The following SRPK2 variants were observed in gnomAD, a reference collection of about 807,000 sequenced individuals.
SRPK2 encodes the protein SRSF protein kinase 2.
Under a neutral mutation model 90.8 loss-of-function variants are expected in SRPK2, and 21 were observed. The ratio of observed to expected loss-of-function variants is 0.23; its 90% confidence interval spans 0.16 to 0.33. The LOEUF (loss-of-function observed/expected upper bound fraction) is 0.33. Ranked by LOEUF, SRPK2 falls within the 10% of genes least tolerant of loss-of-function variation. The probability of loss-of-function intolerance (pLI) is 1.00; values close to 1 mark genes in which losing one functional copy is unlikely to be tolerated. For missense variants in SRPK2, 620 were observed against 869.0 expected, an observed-to-expected ratio of 0.71 and a Z score of 3.60; for synonymous variants, 288 against 311.1, an observed-to-expected ratio of 0.93 and a Z score of 0.78.
intron 2 of SRPK2, among the ~76,000 whole-genome samples, chr7:105,331,181 T>C (rs1374576781): frequency 1.3e-5 from 2 of 151,532 alleles, no homozygotes; most frequent in Non-Finnish European, 2.9e-5. Context: ...TGGTGGTGCA[T>C]GACTGTAATC....
At chr7:105,190,924 A>G (rs1421256110) in intron 3 of SRPK2, among the ~76,000 whole-genome samples, 1 of 152,222 alleles carries the variant, frequency 6.6e-6, no homozygotes, top group Non-Finnish European at 1.5e-5. Flanking sequence ...CCTTGTTTAA[A>G]AAGCTATTTT....
chr7:105,168,060 C>T lies in SRPK2; in HGVS notation c.374G>A (p.Ser125Asn), dbSNP rs775719644. The change falls in exon 5 of 16, where the codon AGT becomes AAT. Residue 125 changes from serine (S) to asparagine (N), a missense_variant. Ser to Asn is a conservative substitution (Grantham distance 46). Transcript: ENST00000393651. ...GGCTGTCTCCGTATAATGCTGGGCACTTTTTACAACTTTCATTGCAACAAA... is the reference window on the plus strand; with the variant it reads ...GGCTGTCTCCGTATAATGCTGGGCATTTTTTACAACTTTCATTGCAACAAA... Reference protein sequence around the residue: ...KRFVAMKVVKSAQHYTETALD... With the variant: ...KRFVAMKVVKNAQHYTETALD... The T allele has an allele frequency of 6.2e-7, 1 of 1,612,686 alleles. No individual in the cohort carries two copies. The highest frequency in any genetic ancestry group is 8.5e-7 in the Non-Finnish European group (1 of 1,179,370).
intron 2 of SRPK2, chr7:105,204,562 C>A: frequency 4.4e-6 from 2 of 453,240 alleles, no homozygotes; most frequent in South Asian, 1.8e-5. Flanking sequence ...CTTAAGCTAT[C>A]CCACTAATAA....
intron 3 of SRPK2, among the ~76,000 whole-genome samples, chr7:105,176,944 A>G (rs2129594577): frequency 6.6e-6 from 1 of 152,034 alleles, no homozygotes; most frequent in East Asian, 1.9e-4. Flanking sequence ...CTAGTCATAT[A>G]TTTTCTTGAG....
chr7:105,320,646 T>C (rs968588209), intron 2 of SRPK2, among the ~76,000 whole-genome samples: 1 of 152,210 alleles, frequency 6.6e-6, no homozygotes, highest in African/African-American at 2.4e-5. Context: ...TGCATTCAAG[T>C]GACAAAACCC....
intron 2 of SRPK2, among the ~76,000 whole-genome samples, chr7:105,275,474 A>C (rs763821243): frequency 7.2e-5 from 11 of 152,062 alleles, no homozygotes; most frequent in Non-Finnish European, 1.6e-4. Flanking sequence ...GATCTTCCTC[A>C]TAACTCTTTT....
Position 105,203,869 on chromosome 7 carries a change from G to A in SRPK2, c.72-84C>T, listed in dbSNP as rs532768406. On this transcript the variant is annotated intron_variant, in intron 2 of 15. Coordinates refer to ENST00000393651, the MANE Select transcript of SRPK2 (RefSeq NM_182692.3). ...CATTTGAGCACTTCTTAATATGGGG[G>A]AAAAAATAAAACTTGTCACATACTA... The A allele has an allele frequency of 9.9e-5, 146 of 1,469,652 alleles. No individual in the cohort carries two copies. The Middle Eastern group carries it at 2.5e-3, about 25-fold the overall frequency. The allele number at this position is 1,469,652 out of a possible 1,614,324, so 91.0% of individuals were successfully genotyped here. A position where few individuals can be genotyped will look rare whatever the true frequency, so the allele number is the denominator to read the frequency against.
chr7:105,170,967 G>GAAAAAGAA (rs66735717), intron 3 of SRPK2, among the ~76,000 whole-genome samples: 1 of 74,462 alleles, frequency 1.3e-5, no homozygotes, highest in Non-Finnish European at 2.7e-5. Flanking sequence ...AAGAAAGAAA[G>GAAAAAGAA]AGAAAGAAAG....
At chr7:105,261,760 G>A (rs988119547) in intron 2 of SRPK2, among the ~76,000 whole-genome samples, 1 of 152,100 alleles carries the variant, frequency 6.6e-6, no homozygotes, top group South Asian at 2.1e-4. Context: ...CATAAGGTGG[G>A]GTTAACAGTG....
At chr7:105,289,052 C>G (rs995884011) in intron 2 of SRPK2, among the ~76,000 whole-genome samples, 1 of 142,572 alleles carries the variant, frequency 7.0e-6, no homozygotes, top group African/African-American at 2.6e-5. Context: ...GTCAGGAGAT[C>G]GAGACCGTCT....
At chr7:105,224,993 G>T (rs1235576799) in intron 2 of SRPK2, among the ~76,000 whole-genome samples, 1 of 152,100 alleles carries the variant, frequency 6.6e-6, no homozygotes. Context: ...TCATTAATCA[G>T]GTTAATAATA....
intron 3 of SRPK2, among the ~76,000 whole-genome samples, chr7:105,201,292 T>A (rs1795517303): frequency 6.6e-6 from 1 of 152,130 alleles, no homozygotes; most frequent in Non-Finnish European, 1.5e-5. Context: ...CTTACCAAAT[T>A]TGGGGGGGGC....
At chr7:105,249,016 G>C (rs1300995384) in intron 2 of SRPK2, among the ~76,000 whole-genome samples, 1 of 152,164 alleles carries the variant, frequency 6.6e-6, no homozygotes, top group African/African-American at 2.4e-5. Flanking sequence ...ACGTGTGCTA[G>C]TTGTGTCTGT....
chr7:105,138,332 A>T (rs1280894702), intron 11 of SRPK2, among the ~76,000 whole-genome samples: 1 of 152,192 alleles, frequency 6.6e-6, no homozygotes, highest in Non-Finnish European at 1.5e-5. Flanking sequence ...TGCCCATACA[A>T]CTAAGACAAG....
chr7:105,160,416 GTAAT>G (rs1807439469), intron 7 of SRPK2, 87 bp downstream of exon 7: 2 of 707,808 alleles, frequency 2.8e-6, no homozygotes, highest in Non-Finnish European at 5.1e-6. Flanking sequence ...TGATACATAT[GTAAT>G]ACATATACAT....
intron 2 of SRPK2, chr7:105,304,511 A>G (rs1810937899): frequency 6.6e-6 from 1 of 152,244 alleles, no homozygotes. Context: ...TAAGTCTCAG[A>G]CCATAAACCA....
At chr7:105,342,261 T>C (rs1815903324) in intron 2 of SRPK2, among the ~76,000 whole-genome samples, 1 of 151,234 alleles carries the variant, frequency 6.6e-6, no homozygotes, top group Non-Finnish European at 1.5e-5. Flanking sequence ...GAAGCAGAGG[T>C]TGCGGTGAGC....
chr7:105,328,561 CAAAAAAAA>C (rs1192103331), intron 2 of SRPK2, among the ~76,000 whole-genome samples: 11 of 47,196 alleles, frequency 2.3e-4, no homozygotes, highest in Non-Finnish European at 3.6e-4. Flanking sequence ...GGCTCTGTCT[CAAAAAAAA>C]AAAAAAAAAA....
At chr7:105,263,578 T>A (rs967300612) in intron 2 of SRPK2, among the ~76,000 whole-genome samples, 6 of 152,176 alleles carry the variant, frequency 3.9e-5, no homozygotes, top group African/African-American at 1.2e-4. Flanking sequence ...CAGATACAAC[T>A]GAACTGTCAT....
Sources: allele counts gnomAD v4.1 joint callset (sites outside exome capture counted in the v4.1 genomes callset), GRCh38; gene constraint gnomAD v4.1.1; transcripts MANE v1.5; gene names NCBI Gene and HGNC (gene_info 2026-07-23, HGNC 2026-07-21).